PRKACB: variants seen among roughly 807,000 people sequenced by gnomAD.
The protein encoded by PRKACB is cAMP-dependent protein kinase catalytic subunit beta.
PRKACB carries 16 observed loss-of-function variants against 51.4 expected under a neutral mutation model. The ratio of observed to expected loss-of-function variants is 0.31; its 90% CI spans 0.21 to 0.47. The LOEUF (loss-of-function observed/expected upper bound fraction) is 0.47, where lower values mean the gene tolerates loss of function less well. PRKACB is among the 20% of genes least tolerant of loss of function. PRKACB has a pLI of 1.00. For missense variants in PRKACB, 309 were observed against 464.5 expected (o/e 0.67, Z 3.08); for synonymous variants, 147 against 154.4 (o/e 0.95, Z 0.35).
intron 1 of PRKACB, among the ~76,000 whole-genome samples, chr1:84,125,021 A>G (rs1329543666): frequency 6.6e-6 from 1 of 152,128 alleles, no homozygotes; most frequent in Non-Finnish European, 1.5e-5. Flanking sequence ...TTAATTTTCT[A>G]TTATTGCTAT....
chr1:84,158,363 A>G (rs975846247), intron 1 of PRKACB, among the ~76,000 whole-genome samples: 1 of 152,112 alleles, frequency 6.6e-6, no homozygotes, highest in African/African-American at 2.4e-5. Context: ...TATGGCCATT[A>G]TGTGAGTGTG....
At chr1:84,197,886 T>C (rs536543379) in intron 7 of PRKACB, 62 bp downstream of exon 7, 100 of 1,153,062 alleles carry the variant, frequency 8.7e-5, no homozygotes, top group African/African-American at 9.5e-5. Flanking sequence ...CTATGGACTT[T>C]TGTAAAAACA....
chr1:84,190,468 A>G (rs1474474991), intron 5 of PRKACB, among the ~76,000 whole-genome samples: 1 of 151,414 alleles, frequency 6.6e-6, no homozygotes, highest in Non-Finnish European at 1.5e-5. Context: ...ATAGCCTGTT[A>G]ATATCAAATG....
At chr1:84,096,502 T>C (rs1408276704) in intron 1 of PRKACB, among the ~76,000 whole-genome samples, 2 of 152,094 alleles carry the variant, frequency 1.3e-5, no homozygotes, top group Non-Finnish European at 2.9e-5. Flanking sequence ...AGCCTTAGCT[T>C]TTTGCATGTC....
intron 6 of PRKACB, among the ~76,000 whole-genome samples, 196 bp from the exon 7 acceptor site, chr1:84,197,533 G>T (rs1006104646): frequency 6.6e-6 from 1 of 151,912 alleles, no homozygotes; most frequent in Non-Finnish European, 1.5e-5. Context: ...TTTGAGTTGA[G>T]GAAGGATTTC....
At chr1:84,098,675 C>A (rs1649108477) in intron 1 of PRKACB, among the ~76,000 whole-genome samples, 1 of 151,976 alleles carries the variant, frequency 6.6e-6, no homozygotes, top group Admixed American at 6.6e-5. Context: ...AACTTCAAAT[C>A]ATAAAAAGTT....
chr1:84,176,492 A>G (rs1392290399), intron 1 of PRKACB, among the ~76,000 whole-genome samples: 2 of 151,890 alleles, frequency 1.3e-5, no homozygotes, highest in Non-Finnish European at 2.9e-5. Context: ...ATTTGTTATT[A>G]AAAGATGTAT....
chr1:84,207,509 A>C (rs916318054), intron 8 of PRKACB, among the ~76,000 whole-genome samples: 5 of 152,126 alleles, frequency 3.3e-5, no homozygotes, highest in African/African-American at 1.2e-4. Flanking sequence ...TCTAATGTGT[A>C]TGTTCATTTT....
intron 1 of PRKACB, among the ~76,000 whole-genome samples, chr1:84,152,816 T>G (rs181178898): frequency 6.6e-6 from 1 of 152,232 alleles, no homozygotes; most frequent in Non-Finnish European, 1.5e-5. Context: ...CTGTTTTGCC[T>G]TCTTATCATT....
chr1:84,137,819 C>G (rs1361204894), intron 1 of PRKACB, among the ~76,000 whole-genome samples: 3 of 152,104 alleles, frequency 2.0e-5, no homozygotes, highest in African/African-American at 7.2e-5. Flanking sequence ...ATGGTGGGAG[C>G]CAGGTTTCTC....
intron 9 of PRKACB, 85 bp downstream of exon 9, chr1:84,214,402 T>G (rs755450343): frequency 2.4e-6 from 3 of 1,271,682 alleles, no homozygotes; most frequent in Non-Finnish European, 3.2e-6. Flanking sequence ...ACTTAACACA[T>G]AGTTTTAATT....
chr1:84,134,791 T>A (rs1403503244), intron 1 of PRKACB, among the ~76,000 whole-genome samples: 1 of 151,964 alleles, frequency 6.6e-6, no homozygotes, highest in Non-Finnish European at 1.5e-5. Context: ...CAGTTCAGAG[T>A]GGATAAAAAA....
chr1:84,168,540 AT>A (rs570365618), intron 1 of PRKACB, among the ~76,000 whole-genome samples: 102 of 151,702 alleles, frequency 6.7e-4, no homozygotes, highest in Middle Eastern at 3.4e-3. Flanking sequence ...CCAACACTTC[AT>A]TAATTTCCCT....
At chr1:84,128,007 C>CTTTTTTTTTTTTTTTTT (rs10537848) in intron 1 of PRKACB, among the ~76,000 whole-genome samples, 2 of 105,402 alleles carry the variant, frequency 1.9e-5, no homozygotes, top group African/African-American at 3.5e-5. Context: ...CTTTTTTTTT[C>CTTTTTTTTTTTTTTTTT]TTTTTTTTTT....
rs1676739278 is a variant in PRKACB, at chr1:84,237,242, T to A, written c.*1937T>A. 6.6e-6 allele frequency: 1 copy of A among 152,612 alleles called. No individual in the cohort carries two copies. The highest frequency in any genetic ancestry group is 2.1e-4 in the South Asian group (1 of 4,836). 9.5% of individuals were successfully genotyped at this position (152,612 alleles called of 1,614,324 possible). On this transcript the variant is annotated 3_prime_UTR_variant, in exon 10 of 10. Transcript: ENST00000370685. ...TTTAAAACATCATTCGTATAAAATA[T>A]TTTAATTTTCTTGTATTTCATTTAG...
At chr1:84,079,705 G>A (rs1178510149) in intron 1 of PRKACB, among the ~76,000 whole-genome samples, 2 of 152,040 alleles carry the variant, frequency 1.3e-5, no homozygotes, top group Non-Finnish European at 2.9e-5. Flanking sequence ...CGTTCTTGTC[G>A]CCCAGGCTGG....
chr1:84,146,443 C>T (rs959022675), intron 1 of PRKACB, among the ~76,000 whole-genome samples: 5 of 151,734 alleles, frequency 3.3e-5, no homozygotes, highest in African/African-American at 7.3e-5. Context: ...TAGAGGAATC[C>T]GATCATTTCA....
Position 84,185,196 on chromosome 1 carries a change from T to A in PRKACB, c.560+14T>A. 1 of 1,490,790 alleles carries A rather than the reference T, an allele frequency of 6.7e-7. No individual in the cohort carries two copies. The highest frequency in any genetic ancestry group is 9.0e-7 in the Non-Finnish European group (1 of 1,116,720). The allele number at this position is 1,490,790 out of a possible 1,614,324, so 92.3% of individuals were successfully genotyped here. A position where few individuals can be genotyped will look rare whatever the true frequency, so the allele number is the denominator to read the frequency against. ...TGGAAGGTTCAGGTAACTAATGGTTTTGCTTTCTTCAAATCTTTATATGCT... is the reference window on the plus strand; with the variant it reads ...TGGAAGGTTCAGGTAACTAATGGTTATGCTTTCTTCAAATCTTTATATGCT... On this transcript the variant is annotated intron_variant, in intron 5 of 9. Coordinates refer to ENST00000370685, the MANE Select transcript of PRKACB (RefSeq NM_182948.4).
chr1:84,161,882 G>C (rs1334690053), intron 1 of PRKACB, among the ~76,000 whole-genome samples: 1 of 151,758 alleles, frequency 6.6e-6, no homozygotes, highest in Non-Finnish European at 1.5e-5. Flanking sequence ...TATTTATATA[G>C]CCTTTTATTT....
Sources: gnomAD v4.1 joint callset for allele counts (sites outside exome capture counted in the v4.1 genomes callset) on GRCh38, gnomAD v4.1.1 for gene constraint, MANE v1.5 for transcripts, NCBI Gene and HGNC (gene_info 2026-07-23, HGNC 2026-07-21) for gene names.